Variants in ZFP64 observed in about 807,000 individuals in gnomAD.
The protein encoded by ZFP64 is ZFP64 zinc finger protein, also known as zinc finger protein 64.
ZFP64 carries 14 observed loss-of-function variants against 51.6 expected under a neutral mutation model. The observed-to-expected ratio is 0.27, with a 90% CI of 0.18 to 0.42. The LOEUF (loss-of-function observed/expected upper bound fraction) is 0.42. ZFP64 is among the 10% of genes least tolerant of loss of function. The pLI is 1.00. For synonymous variants in ZFP64, 375 were observed against 361.4 expected (o/e 1.04, Z -0.43); for missense variants, 754 against 906.8 (o/e 0.83, Z 2.16).
chr20:52,165,811 G>T (rs1420959852), intron 3 of ZFP64, 53 bp downstream of exon 3: 3 of 1,610,510 alleles, frequency 1.9e-6, no homozygotes, highest in Non-Finnish European at 2.5e-6. Context: ...GAGCCCTGGA[G>T]CCTGGTTAAA....
At chr20:52,101,905 G>A (rs929212285) in intron 5 of ZFP64, among the ~76,000 whole-genome samples, 1 of 138,958 alleles carries the variant, frequency 7.2e-6, no homozygotes, top group African/African-American at 2.7e-5. Flanking sequence ...TCCCATCCTG[G>A]CTAACACAGT....
intron 7 of ZFP64, among the ~76,000 whole-genome samples, chr20:52,090,975 T>C (rs186117725): frequency 6.4e-4 from 86 of 135,040 alleles, no homozygotes; most frequent in African/African-American, 2.3e-3. Flanking sequence ...TGTGGTGGTA[T>C]ACCCTTGTAG....
At chr20:52,099,005 C>CA (rs58670484) in intron 5 of ZFP64, among the ~76,000 whole-genome samples, 35,179 of 116,466 alleles carry the variant, frequency 0.3, 5,218 homozygotes, top group Admixed American at 0.42. Flanking sequence ...CTGTCTTTAC[C>CA]AAAAAAAAAA....
At chr20:52,180,909 T>C (rs1452664817) in intron 2 of ZFP64, among the ~76,000 whole-genome samples, 7 of 152,124 alleles carry the variant, frequency 4.6e-5, no homozygotes, top group African/African-American at 1.7e-4. Context: ...TACCAAACCC[T>C]GTCCCCTGTT....
chr20:52,162,222 C>T lies in ZFP64; in HGVS notation c.512-1848G>A, dbSNP rs370528864. 5.6e-3 allele frequency among the ~76,000 whole-genome samples: 853 copies of T among 152,022 alleles called. 6 individuals are homozygous for T. The highest frequency in any genetic ancestry group is 0.019 in the African/African-American group (772 of 41,458). Reference sequence around the variant, plus strand: ...CTGAGGCAGGAGAATCACTTGAACTCGGAAGGCGGAGGTTGCAGTGTGCTG... The same window carrying T: ...CTGAGGCAGGAGAATCACTTGAACTTGGAAGGCGGAGGTTGCAGTGTGCTG... On this transcript the variant is annotated intron_variant, in intron 4 of 5. Transcript: ENST00000216923.
intron 2 of ZFP64, among the ~76,000 whole-genome samples, chr20:52,168,399 T>A (rs1208711815): frequency 6.6e-6 from 1 of 152,240 alleles, no homozygotes; most frequent in Non-Finnish European, 1.5e-5. Flanking sequence ...TCTCTCGCTC[T>A]GCTTGGTTCT....
intron 7 of ZFP64, chr20:52,088,996 G>A (rs773938149): frequency 3.8e-6 from 2 of 528,926 alleles, no homozygotes; most frequent in South Asian, 2.8e-5. Flanking sequence ...TGGTCAGGTG[G>A]ACCCCTTCCT....
rs2122957969 is a variant in ZFP64 at position 52,152,897 on chromosome 20, G to A, written c.1295C>T (p.Ala432Val). 2 of 1,614,026 alleles carry A rather than the reference G, an allele frequency of 1.2e-6. No individual in the cohort carries two copies. The highest frequency in any genetic ancestry group is 2.2e-5 in the East Asian group (1 of 44,876). Residue 432 changes from alanine to valine, a missense_variant, in exon 6 of 6, where the codon GCC becomes GTC. This residue lies in a region of ZFP64 where 428 missense variants were observed against 472.4 expected (regional missense o/e 0.91). Transcript: ENST00000216923. ...GAGCGAGTCCTCCCGCATGAAGGAG[G>A]CATCGCATATATCGCAGTGGAAACT... ...KKSFHCDICD[A>V]SFMREDSLRS...
chr20:52,084,600 A>T (rs771464973), exon 9 of ZFP64: 1 of 1,613,954 alleles, frequency 6.2e-7, no homozygotes. Context: ...GAGCTGCCCC[A>T]CGGAGACCAG....
intron 5 of ZFP64, among the ~76,000 whole-genome samples, chr20:52,099,005 C>G (rs865839927): frequency 2.6e-5 from 3 of 116,660 alleles, no homozygotes; most frequent in Non-Finnish European, 5.3e-5. Context: ...CTGTCTTTAC[C>G]AAAAAAAAAA....
chr20:52,185,851 G>A (rs568905908), intron 2 of ZFP64, among the ~76,000 whole-genome samples: 98 of 152,102 alleles, frequency 6.4e-4, no homozygotes, highest in Non-Finnish European at 1.1e-3. Context: ...AAAGTGCTGG[G>A]ATTACAGGCA....
At chr20:52,151,192 T>G (rs1980772644), downstream of ZFP64, 1 of 981,244 alleles carries the variant, frequency 1.0e-6, no homozygotes, top group Non-Finnish European at 1.2e-6. Flanking sequence ...TAAAAACCTT[T>G]GCTGCTTCAG....
At chr20:52,106,000 G>A (rs112278273) in intron 5 of ZFP64, among the ~76,000 whole-genome samples, 1,747 of 152,300 alleles carry the variant, frequency 0.011, 27 homozygotes, top group African/African-American at 0.039. Context: ...GTCTCCAACT[G>A]CAGGGAGAAA....
intron 5 of ZFP64, among the ~76,000 whole-genome samples, chr20:52,104,090 C>A (rs1284955531): frequency 6.6e-6 from 1 of 152,180 alleles, no homozygotes; most frequent in African/African-American, 2.4e-5. Context: ...TCCTCAGCCC[C>A]TTAAAGGAAA....
downstream of ZFP64, chr20:52,151,225 C>A: frequency 1.0e-6 from 1 of 985,250 alleles, no homozygotes; most frequent in Non-Finnish European, 1.2e-6. Flanking sequence ...TAATGACTCA[C>A]GCCCCATCAT....
chr20:52,186,855 G>C lies in ZFP64; in HGVS notation c.263C>G (p.Thr88Ser). The change falls in exon 2 of 6, where the codon ACC becomes AGC. Residue 88 changes from threonine (T) to serine (S), a missense_variant. Physicochemically the swap from Thr to Ser is moderately conservative, Grantham distance 58. Coordinates refer to ENST00000216923, the MANE Select transcript of ZFP64 (RefSeq NM_018197.3). ...TQTQTTTRTI[T>S]SETQTITVSA... is the part of the protein sequence containing the mutation. ...ACCTGTGATTGTCTGGGTCTCCGAG[G>C]TGATGGTTCTGGTGGTGGTCTGAGT... 6.2e-7 allele frequency: 1 copy of C among 1,611,344 alleles called. No individual in the cohort carries two copies.
At chr20:52,129,603 G>A (rs868689972) in intron 5 of ZFP64, among the ~76,000 whole-genome samples, 2 of 152,054 alleles carry the variant, frequency 1.3e-5, no homozygotes, top group Admixed American at 6.6e-5. Context: ...CTTCAATTGT[G>A]TAACTCCTAT....
intron 5 of ZFP64, among the ~76,000 whole-genome samples, chr20:52,116,131 G>A (rs534637839): frequency 1.3e-5 from 2 of 149,936 alleles, no homozygotes; most frequent in South Asian, 2.1e-4. Context: ...ACAGCACCAC[G>A]TCAATATTTC....
chr20:52,108,501 TA>T (rs1457324682), intron 5 of ZFP64, among the ~76,000 whole-genome samples: 2 of 151,902 alleles, frequency 1.3e-5, no homozygotes, highest in Non-Finnish European at 2.9e-5. Context: ...AAATTAAGTT[TA>T]TTACCTTTTT....
Sources: allele counts gnomAD v4.1 joint callset (sites outside exome capture counted in the v4.1 genomes callset), GRCh38; gene constraint gnomAD v4.1.1; regional missense constraint gnomAD v4.1.1; transcripts MANE v1.5; gene names NCBI Gene and HGNC (gene_info 2026-07-23, HGNC 2026-07-21).